Variants in OSBP2 observed in about 807,000 individuals in gnomAD.
OSBP2 encodes the protein oxysterol-binding protein 2.
Under a neutral mutation model 96.0 loss-of-function variants are expected in OSBP2, and 66 were observed. The ratio of observed to expected loss-of-function variants is 0.69; its 90% CI spans 0.56 to 0.84. The LOEUF (loss-of-function observed/expected upper bound fraction) is 0.84. Among genes scored for constraint, OSBP2 ranks in the 40% least tolerant of loss-of-function variants. The pLI, the probability that OSBP2 is intolerant of heterozygous loss-of-function variation, is 0.00. For synonymous variants in OSBP2, 525 were observed against 520.9 expected, an observed-to-expected ratio of 1.01 and a Z score of -0.11; for missense variants, 1,038 against 1,222.7, an observed-to-expected ratio of 0.85 and a Z score of 2.25.
At chr22:30,840,188 A>G (rs2038719502) in intron 2 of OSBP2, among the ~76,000 whole-genome samples, 1 of 149,556 alleles carries the variant, frequency 6.7e-6, no homozygotes, top group African/African-American at 2.4e-5. Context: ...GTGCACATGT[A>G]CCCTAAAACT....
At chr22:30,843,444 T>TTCCCCCCCC (rs1555919385) in intron 2 of OSBP2, among the ~76,000 whole-genome samples, 1 of 120,556 alleles carries the variant, frequency 8.3e-6, no homozygotes, top group Non-Finnish European at 1.7e-5. Flanking sequence ...CAGGAATCTT[T>TTCCCCCCCC]CCCCCCTCCC....
chr22:30,769,291 T>G (rs1303346793), intron 2 of OSBP2, among the ~76,000 whole-genome samples: 1 of 152,196 alleles, frequency 6.6e-6, no homozygotes, highest in Non-Finnish European at 1.5e-5. Context: ...TCTTTGCCCA[T>G]CACAGGGACA....
At chr22:30,723,786 A>G (rs559958440) in intron 1 of OSBP2, among the ~76,000 whole-genome samples, 1 of 152,310 alleles carries the variant, frequency 6.6e-6, no homozygotes, top group African/African-American at 2.4e-5. Context: ...CAGAAGGTAC[A>G]GGATTTCCCA....
At chr22:30,888,145 G>T in intron 4 of OSBP2, 78 bp from the exon 5 acceptor site, 1 of 939,364 alleles carries the variant, frequency 1.1e-6, no homozygotes, top group Admixed American at 1.7e-5. Flanking sequence ...GGTTGGGGGA[G>T]CCCTTGGCTC....
At chr22:30,734,331 G>A (rs1013319468) in intron 1 of OSBP2, among the ~76,000 whole-genome samples, 1 of 152,192 alleles carries the variant, frequency 6.6e-6, no homozygotes, top group African/African-American at 2.4e-5. Context: ...GGCTGGTAGT[G>A]AGGCCACTGA....
intron 2 of OSBP2, among the ~76,000 whole-genome samples, chr22:30,812,315 AC>A (rs2091019888): frequency 6.6e-6 from 1 of 152,072 alleles, no homozygotes; most frequent in Admixed American, 6.5e-5. Context: ...ACAGGCGCGC[AC>A]CACCATGCCT....
intron 1 of OSBP2, among the ~76,000 whole-genome samples, chr22:30,696,879 G>A (rs1361848078): frequency 1.3e-5 from 2 of 151,876 alleles, no homozygotes; most frequent in Admixed American, 6.6e-5. Context: ...GGCTGGTTTC[G>A]AACTCCTGAC....
intron 2 of OSBP2, among the ~76,000 whole-genome samples, chr22:30,830,313 T>C (rs532730172): frequency 2.0e-5 from 3 of 152,198 alleles, no homozygotes; most frequent in South Asian, 2.1e-4. Flanking sequence ...TCTTCAGAAA[T>C]AGTAGTTGCT....
chr22:30,752,762 G>A (rs1017314012), intron 2 of OSBP2, among the ~76,000 whole-genome samples: 11 of 152,108 alleles, frequency 7.2e-5, no homozygotes, highest in African/African-American at 2.7e-4. Flanking sequence ...TTTCCCAAGA[G>A]ACAGATTTGC....
intron 2 of OSBP2, among the ~76,000 whole-genome samples, chr22:30,812,649 G>A (rs1258330949): frequency 6.6e-6 from 1 of 152,122 alleles, no homozygotes; most frequent in Non-Finnish European, 1.5e-5. Flanking sequence ...TCTAGAAGTG[G>A]AATTGCTATG....
intron 3 of OSBP2, among the ~76,000 whole-genome samples, chr22:30,877,466 C>T (rs143040273): frequency 0.018 from 2,735 of 152,284 alleles, 59 homozygotes; most frequent in South Asian, 0.032. Flanking sequence ...CCCTGAGCAC[C>T]AGGGTATACC....
Position 30,890,980 on chromosome 22 carries a change from G to T in OSBP2, c.1869+7G>T. 3 of 1,602,406 alleles carry T rather than the reference G, an allele frequency of 1.9e-6. No homozygotes were observed. The highest frequency in any genetic ancestry group is 2.5e-6 in the Non-Finnish European group (3 of 1,178,596). On this transcript the variant is annotated splice_region_variant and intron_variant, in intron 8 of 13. Coordinates refer to ENST00000332585, the MANE Select transcript of OSBP2 (RefSeq NM_030758.4). The surrounding 1 kb of genome is among the most constrained non-coding windows in gnomAD (Gnocchi z 4.4). ...GCGCTCCCTCTGTGAGCAGGTGAGG[G>T]GGCTAGGCTGGCACTGGGTGGCGCC...
Position 30,889,199 on chromosome 22 carries a change from G to T in OSBP2, c.1441G>T (p.Gly481Trp). Reference protein sequence around the residue: ...EDSRKAEGSTGTSSVDWSSAD... With the variant: ...EDSRKAEGSTWTSSVDWSSAD... ...CAGCAGAAAAGCTGAAGGTAGCACCGGGACAAGTTCCGTGGACTGGAGCTC... is the reference window on the plus strand; with the variant it reads ...CAGCAGAAAAGCTGAAGGTAGCACCTGGACAAGTTCCGTGGACTGGAGCTC... Residue 481 changes from glycine to tryptophan, a missense_variant, in exon 6 of 14, where the codon GGG (glycine) becomes TGG (tryptophan). Gly to Trp is a radical substitution (Grantham distance 184). Transcript: ENST00000332585. 6.2e-7 allele frequency: 1 copy of T among 1,613,574 alleles called. No individual in the cohort carries two copies. Among genetic ancestry groups the T allele is most frequent in the South Asian group, 1.1e-5 (1 of 91,030 alleles).
chr22:30,819,395 G>C (rs1250854769), intron 2 of OSBP2, among the ~76,000 whole-genome samples: 2 of 152,162 alleles, frequency 1.3e-5, no homozygotes, highest in Non-Finnish European at 2.9e-5. Flanking sequence ...TCAGACTCAC[G>C]CATACGGTTA....
At chr22:30,742,796 G>GT (rs2089956547) in intron 2 of OSBP2, among the ~76,000 whole-genome samples, 1 of 152,170 alleles carries the variant, frequency 6.6e-6, no homozygotes, top group Non-Finnish European at 1.5e-5. Context: ...GCTGCCATGA[G>GT]TAACCTTGCA....
intron 2 of OSBP2, among the ~76,000 whole-genome samples, chr22:30,863,760 G>T (rs1569155606): frequency 1.3e-5 from 2 of 152,192 alleles, no homozygotes; most frequent in African/African-American, 4.8e-5. Flanking sequence ...ACTGGTCAGA[G>T]CGAATCCTGC....
At chr22:30,762,619 G>T (rs1244857828) in intron 2 of OSBP2, among the ~76,000 whole-genome samples, 1 of 152,208 alleles carries the variant, frequency 6.6e-6, no homozygotes, top group African/African-American at 2.4e-5. Context: ...AGCTTCTGCT[G>T]TCTTCACTGG....
chr22:30,753,684 C>G (rs2090105686), intron 2 of OSBP2, among the ~76,000 whole-genome samples: 1 of 152,136 alleles, frequency 6.6e-6, no homozygotes, highest in African/African-American at 2.4e-5. Flanking sequence ...TGTGCTTTCC[C>G]AAGGATTTTG....
rs145695204 is a variant in OSBP2, at chr22:30,850,306, C to CAA, written c.854-20107_854-20106dup. Reference sequence around the variant, plus strand: ...TGGGTAACAGAGCTAGACTCTGTCTCAAAAAAAAAAAAAAAAATTCAGTTG... The same window carrying CAA: ...TGGGTAACAGAGCTAGACTCTGTCTCAAAAAAAAAAAAAAAAAAATTCAGTTG... On this transcript the variant is annotated intron_variant, in intron 2 of 13. Transcript: ENST00000332585. Among the ~76,000 whole-genome samples, 314 of 121,084 alleles carry CAA rather than the reference C, an allele frequency of 2.6e-3. 3 individuals carry two copies. The highest frequency in any genetic ancestry group is 3.4e-3 in the African/African-American group (105 of 30,984). 79.4% of individuals were successfully genotyped at this position (121,084 alleles called of 152,430 possible).
Sources: gnomAD v4.1 joint callset for allele counts (sites outside exome capture counted in the v4.1 genomes callset) on GRCh38, gnomAD v4.1.1 for gene constraint, Gnocchi (gnomAD v3.1) non-coding constraint, MANE v1.5 for transcripts, NCBI Gene and HGNC (gene_info 2026-07-23, HGNC 2026-07-21) for gene names.